The following VIT variants were observed in gnomAD, a reference collection of about 807,000 sequenced individuals.
The protein encoded by VIT is vitrin.
A neutral mutation model predicts 78.0 loss-of-function variants in VIT; 99 were observed. That is an observed-to-expected ratio of 1.27 (90% CI 1.08 to 1.50). The LOEUF (loss-of-function observed/expected upper bound fraction) is 1.50. Among genes scored for constraint, VIT ranks in the 40% most tolerant of loss-of-function variants. VIT has a pLI of 0.00. For missense variants in VIT, 1,126 were observed against 875.3 expected (o/e 1.29, Z -3.61); for synonymous variants, 374 against 334.3 (o/e 1.12, Z -1.29).
chr2:36,719,181 C>G (rs1483630844), intron 2 of VIT, among the ~76,000 whole-genome samples: 1 of 152,162 alleles, frequency 6.6e-6, no homozygotes. Context: ...AAGGAGACTC[C>G]TATACCTCAA....
In VIT at chr2:36,776,893, T is replaced by C. The variant is rs1572520839; in HGVS notation, c.802+1826T>C. ...TCACGAGGTCAGGAGATCGAGACCATCCCGGCTAACACGGTGAAACTCCGT... is the reference window on the plus strand; with the variant it reads ...TCACGAGGTCAGGAGATCGAGACCACCCCGGCTAACACGGTGAAACTCCGT... On this transcript the variant is annotated intron_variant, in intron 9 of 15. Transcript: ENST00000379242. Among the ~76,000 whole-genome samples, 4 of 151,232 alleles carry C rather than the reference T, an allele frequency of 2.6e-5. No individual in the cohort carries two copies. In the South Asian group the frequency reaches 6.3e-4, roughly 24 times the overall value.
At chr2:36,791,353 T>C (rs1347669647) in intron 12 of VIT, among the ~76,000 whole-genome samples, 1 of 152,032 alleles carries the variant, frequency 6.6e-6, no homozygotes, top group African/African-American at 2.4e-5. Context: ...TGCAGGACAG[T>C]CAGAGTTGAG....
chr2:36,799,703 C>A (rs1196343019), intron 12 of VIT, among the ~76,000 whole-genome samples: 16 of 134,424 alleles, frequency 1.2e-4, no homozygotes, highest in African/African-American at 4.6e-4. Flanking sequence ...AGCAACAGAA[C>A]GAAACCCTGT....
At chr2:36,740,350 T>A (rs780268256) in intron 3 of VIT, among the ~76,000 whole-genome samples, 1 of 152,216 alleles carries the variant, frequency 6.6e-6, no homozygotes, top group African/African-American at 2.4e-5. Context: ...GAAAATATTG[T>A]AGAGAAACAA....
At chr2:36,709,680 G>C (rs1350592126) in intron 1 of VIT, among the ~76,000 whole-genome samples, 1 of 152,118 alleles carries the variant, frequency 6.6e-6, no homozygotes, top group Non-Finnish European at 1.5e-5. Context: ...GGTGAGGGTT[G>C]GTAAAGCAGT....
intron 2 of VIT, among the ~76,000 whole-genome samples, chr2:36,719,296 T>C (rs1666347924): frequency 6.6e-6 from 1 of 152,182 alleles, no homozygotes; most frequent in South Asian, 2.1e-4. Flanking sequence ...GGATGCCTAC[T>C]CTTGCTACTT....
Position 36,701,094 on chromosome 2 carries a change from T to A in VIT, c.-19+4121T>A, listed in dbSNP as rs148752720. On this transcript the variant is annotated intron_variant, in intron 1 of 15. Transcript: ENST00000379242. ...CTGAAAACATAATTATCAAGCCAAG[T>A]GAAATTTCTTTAAAAAAAAAAATGT... Among the ~76,000 whole-genome samples, 781 of 83,722 alleles carry A rather than the reference T, an allele frequency of 9.3e-3. 3 individuals are homozygous for A. The highest frequency in any genetic ancestry group is 0.024 in the Admixed American group (149 of 6,206). 54.9% of individuals were successfully genotyped at this position (83,722 alleles called of 152,430 possible).
chr2:36,702,881 G>T (rs1665154474), intron 1 of VIT, among the ~76,000 whole-genome samples: 1 of 152,146 alleles, frequency 6.6e-6, no homozygotes, highest in Non-Finnish European at 1.5e-5. Flanking sequence ...CTGTCTGGGG[G>T]TTTACAGTTC....
intron 2 of VIT, among the ~76,000 whole-genome samples, chr2:36,724,665 C>T (rs918059605): frequency 3.9e-5 from 6 of 152,148 alleles, no homozygotes; most frequent in African/African-American, 7.2e-5. Flanking sequence ...TTTGTGCCAT[C>T]GAAGATAATG....
intron 6 of VIT, among the ~76,000 whole-genome samples, chr2:36,765,417 GAGAGAGAGAGAGAGAGAA>G (rs938511864): frequency 1.1e-4 from 15 of 133,202 alleles, no homozygotes; most frequent in African/African-American, 4.1e-4. Context: ...CAGCAGGCGA[GAGAGAGAGAGAGAGAGAA>G]AGAGAGAGAG....
At position 36,750,714 on chromosome 2, in the gene VIT, G is replaced by A. The variant is rs184874361; in HGVS notation, c.276-4207G>A. On this transcript the variant is annotated intron_variant, in intron 4 of 15. Coordinates refer to ENST00000379242, the MANE Select transcript of VIT (RefSeq NM_053276.4). ...TGCACACATGTAATCCCAGCTACTC[G>A]GGAGGCTGAGGCAGGAGAATCGCTT... 4.4e-3 allele frequency among the ~76,000 whole-genome samples: 662 copies of A among 151,488 alleles called. 3 individuals are homozygous for A. The highest frequency in any genetic ancestry group is 0.015 in the African/African-American group (629 of 41,240).
At chr2:36,768,074 C>T (rs1339449395) in intron 7 of VIT, among the ~76,000 whole-genome samples, 1 of 152,212 alleles carries the variant, frequency 6.6e-6, no homozygotes, top group African/African-American at 2.4e-5. Context: ...CATAGCATGA[C>T]CCTTCCCCCT....
intron 13 of VIT, 34 bp downstream of exon 13, chr2:36,801,438 C>G: frequency 6.6e-7 from 1 of 1,518,334 alleles, no homozygotes; most frequent in Non-Finnish European, 9.1e-7. Flanking sequence ...TACTATCTTG[C>G]TACCATCGTT....
At chr2:36,791,604 G>A in intron 12 of VIT, among the ~76,000 whole-genome samples, 1 of 152,326 alleles carries the variant, frequency 6.6e-6, no homozygotes, top group Non-Finnish European at 1.5e-5. Flanking sequence ...CATTCAAAGG[G>A]AGGTGTGACG....
chr2:36,742,951 C>A, intron 3 of VIT, 149 bp from the exon 4 acceptor site: 1 of 957,092 alleles, frequency 1.0e-6, no homozygotes, highest in Non-Finnish European at 1.5e-6. Flanking sequence ...GTCTTAATTA[C>A]ATCTTTGCTT....
At chr2:36,775,181 G>A in intron 9 of VIT, 114 bp downstream of exon 9, 1 of 1,210,848 alleles carries the variant, frequency 8.3e-7, no homozygotes, top group Non-Finnish European at 1.2e-6. Flanking sequence ...TCAACTTCAG[G>A]TCACCAGAGT....
chr2:36,742,117 A>G (rs991004288), intron 3 of VIT, among the ~76,000 whole-genome samples: 1 of 152,198 alleles, frequency 6.6e-6, no homozygotes, highest in Non-Finnish European at 1.5e-5. Context: ...AGAACTGAAT[A>G]TATTCCCAGA....
At position 36,783,358 on chromosome 2, in the gene VIT, A is replaced by T. The variant is rs1275386817; in HGVS notation, c.866A>T (p.Glu289Val). 1 of 1,614,142 alleles carries T rather than the reference A, an allele frequency of 6.2e-7. No individual in the cohort carries two copies. The highest frequency in any genetic ancestry group is 1.1e-5 in the South Asian group (1 of 91,076). The change falls in exon 11 of 16, where the codon GAA becomes GTA. Residue 289 changes from glutamate to valine, a missense_variant. Physicochemically the swap from Glu to Val is moderately radical, Grantham distance 121. Transcript: ENST00000379242. ...LLDEGLVPKE[E>V]LSTQSLEPVS... ...TTTCCAGGACTTGTTCCAAAAGAAGAATTGAGCACACAGTCTTTGGAGCCA... is the reference window on the plus strand; with the variant it reads ...TTTCCAGGACTTGTTCCAAAAGAAGTATTGAGCACACAGTCTTTGGAGCCA...
chr2:36,763,583 CTTTTTTTTT>C (rs70946947), intron 6 of VIT, among the ~76,000 whole-genome samples: 4 of 60,436 alleles, frequency 6.6e-5, no homozygotes, highest in African/African-American at 2.0e-4. Flanking sequence ...TCTATCTTCC[CTTTTTTTTT>C]TTTTTTTTTT....
Sources: allele counts gnomAD v4.1 joint callset (sites outside exome capture counted in the v4.1 genomes callset), GRCh38; gene constraint gnomAD v4.1.1; transcripts MANE v1.5; gene names NCBI Gene and HGNC (gene_info 2026-07-23, HGNC 2026-07-21).